UBAC1: variants seen among roughly 807,000 people sequenced by gnomAD.
UBAC1 encodes ubiquitin-associated domain-containing protein 1.
Under a neutral mutation model 45.9 loss-of-function variants are expected in UBAC1, and 27 were observed. The ratio of observed to expected loss-of-function variants is 0.59; its 90% CI spans 0.43 to 0.81. UBAC1 has a LOEUF of 0.81. Ranked by LOEUF, UBAC1 falls within the 30% of genes least tolerant of loss-of-function variation. The pLI, the probability that UBAC1 is intolerant of heterozygous loss-of-function variation, is 0.00. For synonymous variants in UBAC1, 227 were observed against 215.5 expected (o/e 1.05, Z -0.47); for missense variants, 529 against 539.2 (o/e 0.98, Z 0.19).
At chr9:135,934,137 C>A (rs142632320) in intron 9 of UBAC1, among the ~76,000 whole-genome samples, 2 of 152,318 alleles carry the variant, frequency 1.3e-5, no homozygotes, top group South Asian at 4.1e-4. Flanking sequence ...ATCGATGGCT[C>A]CATGCTGACC....
chr9:135,939,671 A>C lies in UBAC1; in HGVS notation c.963+2T>G. The C allele has an allele frequency of 6.2e-7, 1 of 1,612,208 alleles. No individual in the cohort carries two copies. Among genetic ancestry groups the C allele is most frequent in the Non-Finnish European group, 8.5e-7 (1 of 1,178,968 alleles). On this transcript the variant is annotated splice_donor_variant, in intron 8 of 9. Coordinates refer to ENST00000371756, the MANE Select transcript of UBAC1 (RefSeq NM_016172.3). LOFTEE classifies it high-confidence loss of function. ...ACTCACTCACCACAGCCCAACACTC[A>C]CCGCGGCATTCTGCTGGTTGTTGTT...
At chr9:135,956,213 G>A (rs1303218087) in intron 1 of UBAC1, among the ~76,000 whole-genome samples, 3 of 152,184 alleles carry the variant, frequency 2.0e-5, no homozygotes. Flanking sequence ...GCTACTGAGT[G>A]CAAACTCCAG....
At chr9:135,935,809 G>A (rs1438582441) in intron 9 of UBAC1, among the ~76,000 whole-genome samples, 2 of 152,096 alleles carry the variant, frequency 1.3e-5, no homozygotes, top group South Asian at 2.1e-4. Flanking sequence ...GGCGGATCAC[G>A]AGGTCAGGAG....
At chr9:135,960,346 G>A (rs1839518126) in intron 1 of UBAC1, among the ~76,000 whole-genome samples, 1 of 152,128 alleles carries the variant, frequency 6.6e-6, no homozygotes, top group Non-Finnish European at 1.5e-5. Context: ...AAGTGTCTCC[G>A]CGAGGAGACC....
rs565244235 is a variant in UBAC1 at position 135,945,981 on chromosome 9, G to C, written c.561C>G (p.Asp187Glu). The change falls in exon 6 of 10, where the codon GAC becomes GAG. Residue 187 changes from aspartate (D) to glutamate (E), a missense_variant. Asp to Glu is a conservative substitution (Grantham distance 45, BLOSUM62 2). Coordinates refer to ENST00000371756, the MANE Select transcript of UBAC1 (RefSeq NM_016172.3). ...CAGCCTCGTCCACACGCTCATCCTCGTCCTCGTCCAGCATTGCTGCAGGGA... is the reference window on the plus strand; with the variant it reads ...CAGCCTCGTCCACACGCTCATCCTCCTCCTCGTCCAGCATTGCTGCAGGGA... ...FKKANAMLDE[D>E]EDERVDEAAL... is the part of the protein sequence containing the mutation. The C allele has an allele frequency of 6.0e-5, 97 of 1,613,664 alleles. No homozygotes were observed. The highest frequency in any genetic ancestry group is 4.0e-5 in the Non-Finnish European group (47 of 1,180,032).
rs1395417064 is a variant in UBAC1 at position 135,935,830 on chromosome 9, T to A, written c.1103-2315A>T. Among the ~76,000 whole-genome samples the A allele has an allele frequency of 3.3e-5, 5 of 152,040 alleles. No homozygotes were observed. The East Asian group carries it at 9.7e-4, about 29-fold the overall frequency. ...TCACGAGGTCAGGAGATCAAGACCA[T>A]CCTGGCTAACACGGTGAAACCCTGT... On this transcript the variant is annotated intron_variant, in intron 9 of 9. Transcript: ENST00000371756.
Position 135,934,224 on chromosome 9 carries a change from ACAGC to A in UBAC1, c.1103-713_1103-710del, listed in dbSNP as rs1187365059. 4.6e-5 allele frequency among the ~76,000 whole-genome samples: 7 copies of A among 152,286 alleles called. No individual in the cohort carries two copies. The South Asian group carries it at 1.5e-3, about 32-fold the overall frequency. On this transcript the variant is annotated intron_variant, in intron 9 of 9. Transcript: ENST00000371756. ...AGGGACAGTGCTCACTACAGAATTC[ACAGC>A]CATTCACGGCCCAGTAGCCCATGGC...
intron 6 of UBAC1, 122 bp from the exon 7 acceptor site, chr9:135,945,372 CT>C (rs1228494247): frequency 7.0e-6 from 6 of 862,182 alleles, no homozygotes; most frequent in Non-Finnish European, 1.0e-5. Flanking sequence ...GCTGGTGACC[CT>C]TATAACAAGA....
chr9:135,946,338 G>A lies in UBAC1; in HGVS notation c.475C>T (p.Leu159Phe). 2 of 1,613,978 alleles carry A rather than the reference G, an allele frequency of 1.2e-6. No homozygotes were observed. Among genetic ancestry groups the A allele is most frequent in the South Asian group, 1.1e-5 (1 of 91,084 alleles). Reference sequence around the variant, plus strand: ...AACAGCTTCTGCGCCACCTCGATGAGAGACACCAGTATCTTCCGGAGTTCT... The same window carrying A: ...AACAGCTTCTGCGCCACCTCGATGAAAGACACCAGTATCTTCCGGAGTTCT... ...QTELRKILVS[L>F]IEVAQKLLAL... The change falls in exon 5 of 10, where the codon CTC becomes TTC. Residue 159 changes from leucine to phenylalanine, a missense_variant. Leu to Phe is a conservative substitution (Grantham distance 22, BLOSUM62 0). Coordinates refer to ENST00000371756, the MANE Select transcript of UBAC1 (RefSeq NM_016172.3).
chr9:135,960,735 G>A (rs1839523614), intron 1 of UBAC1, among the ~76,000 whole-genome samples: 1 of 152,246 alleles, frequency 6.6e-6, no homozygotes, highest in Non-Finnish European at 1.5e-5. Context: ...CTGAGAGGCT[G>A]GCGTGTACAG....
At chr9:135,936,177 T>C (rs1839201566) in intron 9 of UBAC1, among the ~76,000 whole-genome samples, 1 of 151,992 alleles carries the variant, frequency 6.6e-6, no homozygotes, top group Non-Finnish European at 1.5e-5. Context: ...AAAGAGCCTA[T>C]TTCTATTAGG....
chr9:135,955,490 A>G (rs1839456962), intron 1 of UBAC1, 75 bp from the exon 2 acceptor site: 1 of 1,378,848 alleles, frequency 7.3e-7, no homozygotes, highest in African/African-American at 1.5e-5. Flanking sequence ...TGGCATCCCA[A>G]GCTACACCAG....
chr9:135,955,989 C>T (rs111467194), intron 1 of UBAC1, among the ~76,000 whole-genome samples: 8 of 152,312 alleles, frequency 5.3e-5, no homozygotes, highest in African/African-American at 1.4e-4. Flanking sequence ...CTGCTCTCGG[C>T]GTGGCCCAGC....
intron 9 of UBAC1, among the ~76,000 whole-genome samples, chr9:135,936,370 T>TAC (rs1255770911): frequency 6.6e-6 from 1 of 152,120 alleles, no homozygotes; most frequent in Non-Finnish European, 1.5e-5. Context: ...AGAAGATCCC[T>TAC]ACCTCACACC....
Position 135,945,216 on chromosome 9 carries a change from C to T in UBAC1, c.688G>A (p.Glu230Lys). 4 of 1,605,450 alleles carry T rather than the reference C, an allele frequency of 2.5e-6. No individual in the cohort carries two copies. Among genetic ancestry groups the T allele is most frequent in the Non-Finnish European group, 2.6e-6 (3 of 1,175,542 alleles). The change falls in exon 7 of 10, where the codon GAA becomes AAA. Residue 230 changes from glutamate (E) to lysine (K), a missense_variant. Transcript: ENST00000371756. ...TCTATGGTCGGGTCTTCTGCGTGTT[C>T]AATTAGCCACTCCATGGCCTGAGGC... ...SVPQAMEWLIEHAEDPTIDTP... is the reference protein window; with the variant it reads ...SVPQAMEWLIKHAEDPTIDTP...
At chr9:135,951,524 G>A (rs1170344685) in intron 3 of UBAC1, among the ~76,000 whole-genome samples, 1 of 151,966 alleles carries the variant, frequency 6.6e-6, no homozygotes, top group Non-Finnish European at 1.5e-5. Flanking sequence ...AAAAATTAAT[G>A]TAGGCCAGGC....
chr9:135,942,858 C>A (rs1480515843), intron 7 of UBAC1, among the ~76,000 whole-genome samples: 1 of 152,064 alleles, frequency 6.6e-6, no homozygotes, highest in Non-Finnish European at 1.5e-5. Context: ...GGAGTGGGAA[C>A]TGAGACCCTT....
chr9:135,957,472 G>A (rs1266409421), intron 1 of UBAC1, among the ~76,000 whole-genome samples: 4 of 152,062 alleles, frequency 2.6e-5, no homozygotes, highest in Admixed American at 6.5e-5. Context: ...CGTGTCACCA[G>A]CACACCAGGA....
chr9:135,945,189 T>G lies in UBAC1; in HGVS notation c.715A>C (p.Thr239Pro). The change falls in exon 7 of 10, where the codon ACG (threonine) becomes CCG (proline). Residue 239 changes from threonine (T) to proline (P), a missense_variant. Thr to Pro is a conservative substitution (Grantham distance 38). Transcript: ENST00000371756. ...IEHAEDPTID[T>P]PLPGQAPPEA... ...GGGGGAGCTTGGCCAGGAAGAGGCGTGTCTATGGTCGGGTCTTCTGCGTGT... is the reference window on the plus strand; with the variant it reads ...GGGGGAGCTTGGCCAGGAAGAGGCGGGTCTATGGTCGGGTCTTCTGCGTGT... 6.2e-7 allele frequency: 1 copy of G among 1,612,754 alleles called. No individual in the cohort carries two copies. The highest frequency in any genetic ancestry group is 1.1e-5 in the South Asian group (1 of 90,832).
Sources: allele counts gnomAD v4.1 joint callset (sites outside exome capture counted in the v4.1 genomes callset), GRCh38; gene constraint gnomAD v4.1.1; transcripts MANE v1.5; gene names NCBI Gene and HGNC (gene_info 2026-07-23, HGNC 2026-07-21).